Variants in ENOX1 observed in about 807,000 individuals in gnomAD.
ENOX1 encodes the protein candidate growth-related and time keeping constitutive hydroquinone (NADH) oxidase.
ENOX1 carries 42 observed loss-of-function variants against 82.5 expected under a neutral mutation model. The observed-to-expected ratio is 0.51, with a 90% CI of 0.40 to 0.66. The LOEUF is 0.66. Ranked by LOEUF, ENOX1 falls within the 30% of genes least tolerant of loss-of-function variation. The pLI, the probability that ENOX1 is intolerant of heterozygous loss-of-function variation, is 0.00. For synonymous variants in ENOX1, 271 were observed against 282.2 expected (o/e 0.96, Z 0.40); for missense variants, 608 against 811.6 (o/e 0.75, Z 3.05).
chr13:43,760,484 G>A (rs549401026), intron 1 of ENOX1, among the ~76,000 whole-genome samples: 3 of 152,050 alleles, frequency 2.0e-5, no homozygotes, highest in Admixed American at 6.6e-5. Flanking sequence ...GCCCTCCCCC[G>A]AATGCCTGGA....
chr13:43,424,243 T>C (rs1374881323), intron 3 of ENOX1, among the ~76,000 whole-genome samples: 1 of 152,236 alleles, frequency 6.6e-6, no homozygotes, highest in Non-Finnish European at 1.5e-5. Context: ...AGACAATATA[T>C]AATTCTATAA....
chr13:43,727,896 T>C (rs1422133976), intron 1 of ENOX1, among the ~76,000 whole-genome samples: 1 of 152,208 alleles, frequency 6.6e-6, no homozygotes, highest in African/African-American at 2.4e-5. Context: ...AAAACAACCA[T>C]ATTAACACAT....
intron 2 of ENOX1, among the ~76,000 whole-genome samples, chr13:43,548,566 G>A (rs541132814): frequency 1.3e-5 from 2 of 152,308 alleles, no homozygotes; most frequent in Admixed American, 6.5e-5. Flanking sequence ...AGCAACCTCA[G>A]TTTTATAAAA....
chr13:43,430,146 C>T (rs998035540), intron 3 of ENOX1, among the ~76,000 whole-genome samples: 29 of 152,320 alleles, frequency 1.9e-4, no homozygotes, highest in African/African-American at 6.7e-4. Flanking sequence ...ACAAAATATG[C>T]ATTTTGTATG....
intron 1 of ENOX1, among the ~76,000 whole-genome samples, chr13:43,776,691 G>A (rs1951938626): frequency 6.6e-6 from 1 of 152,148 alleles, no homozygotes; most frequent in African/African-American, 2.4e-5. Context: ...CTGGACTATA[G>A]CAGGAAGTAG....
rs111884036 is a variant in ENOX1 at position 43,572,555 on chromosome 13, C to T, written c.-218-88403G>A. 5.7e-3 allele frequency among the ~76,000 whole-genome samples: 869 copies of T among 152,318 alleles called. 9 individuals carry two copies. Among genetic ancestry groups the T allele is most frequent in the African/African-American group, 0.02 (831 of 41,580 alleles). On this transcript the variant is annotated intron_variant, in intron 2 of 16. Coordinates refer to ENST00000690772, the MANE Select transcript of ENOX1 (RefSeq NM_001347969.2). ...GGATTTCAGCTGATTCATCAGTGAA[C>T]ATTTCTCAGACCAAAGTGGAAAAAG...
chr13:43,523,851 C>T (rs184461610), intron 2 of ENOX1, among the ~76,000 whole-genome samples: 2 of 152,194 alleles, frequency 1.3e-5, no homozygotes, highest in African/African-American at 2.4e-5. Flanking sequence ...ATGTAGCCAC[C>T]CAATCACCAG....
In ENOX1 at chr13:43,367,677, T is replaced by C. The variant is rs547896307; in HGVS notation, c.209-6225A>G. 1.4e-4 allele frequency among the ~76,000 whole-genome samples: 20 copies of C among 148,090 alleles called. No homozygotes were observed. In the South Asian group the frequency reaches 3.8e-3, roughly 28 times the overall value. Reference sequence around the variant, plus strand: ...AGACAATATGTTTCTGTTATTTTAATTCACCCAGTGTGTGGTACTTTGATA... The same window carrying C: ...AGACAATATGTTTCTGTTATTTTAACTCACCCAGTGTGTGGTACTTTGATA... On this transcript the variant is annotated intron_variant, in intron 5 of 16. Coordinates refer to ENST00000690772, the MANE Select transcript of ENOX1 (RefSeq NM_001347969.2).
chr13:43,416,870 T>C (rs2054622428), intron 3 of ENOX1, among the ~76,000 whole-genome samples: 1 of 151,324 alleles, frequency 6.6e-6, no homozygotes, highest in African/African-American at 2.4e-5. Flanking sequence ...CGCTGGGAGG[T>C]GGAGGTTGTA....
At chr13:43,784,187 T>C (rs1952439340) in intron 1 of ENOX1, among the ~76,000 whole-genome samples, 1 of 152,218 alleles carries the variant, frequency 6.6e-6, no homozygotes, top group Non-Finnish European at 1.5e-5. Flanking sequence ...TGTATAAATA[T>C]ACAACTGTGT....
chr13:43,501,322 C>A (rs1410335037), intron 2 of ENOX1, among the ~76,000 whole-genome samples: 2 of 151,756 alleles, frequency 1.3e-5, no homozygotes, highest in African/African-American at 4.8e-5. Context: ...CAGTAGTAGA[C>A]TTCAATAACT....
chr13:43,415,354 G>C (rs1425288557), intron 3 of ENOX1, among the ~76,000 whole-genome samples: 2 of 145,264 alleles, frequency 1.4e-5, no homozygotes. Context: ...ATAAACACAT[G>C]AACAAAGGTC....
At chr13:43,395,200 A>G (rs1180919058) in intron 5 of ENOX1, among the ~76,000 whole-genome samples, 2 of 152,264 alleles carry the variant, frequency 1.3e-5, no homozygotes, top group Non-Finnish European at 2.9e-5. Flanking sequence ...ACTGTGGGGC[A>G]GATCACTAAC....
At chr13:43,388,898 T>C (rs1286509620) in intron 5 of ENOX1, among the ~76,000 whole-genome samples, 1 of 152,030 alleles carries the variant, frequency 6.6e-6, no homozygotes, top group African/African-American at 2.4e-5. Context: ...AATTATTAAC[T>C]AGCAGGTGAA....
chr13:43,429,987 C>T (rs939775256), intron 3 of ENOX1, among the ~76,000 whole-genome samples: 1 of 152,174 alleles, frequency 6.6e-6, no homozygotes, highest in Non-Finnish European at 1.5e-5. Flanking sequence ...TTATTTTATG[C>T]TTTCCACTAG....
intron 2 of ENOX1, among the ~76,000 whole-genome samples, chr13:43,620,461 T>C (rs771796171): frequency 1.3e-5 from 2 of 152,150 alleles, no homozygotes; most frequent in African/African-American, 2.4e-5. Flanking sequence ...TGTCGTTCAG[T>C]TTGAAGAATT....
chr13:43,651,086 G>A (rs1209660575), intron 2 of ENOX1, among the ~76,000 whole-genome samples: 2 of 152,166 alleles, frequency 1.3e-5, no homozygotes, highest in Non-Finnish European at 2.9e-5. Context: ...ATGACAGTTA[G>A]AAGGCTGCTC....
intron 1 of ENOX1, among the ~76,000 whole-genome samples, chr13:43,734,374 T>C (rs1264080005): frequency 1.3e-5 from 2 of 152,194 alleles, no homozygotes; most frequent in Non-Finnish European, 2.9e-5. Context: ...TGTTAGATGC[T>C]ATAGAACCTT....
chr13:43,283,786 A>G (rs1389486797), intron 12 of ENOX1, among the ~76,000 whole-genome samples: 1 of 151,618 alleles, frequency 6.6e-6, no homozygotes, highest in East Asian at 1.9e-4. Context: ...TGCTTACCTC[A>G]CTGTTACTAG....
Sources: allele counts gnomAD v4.1 joint callset (sites outside exome capture counted in the v4.1 genomes callset), GRCh38; gene constraint gnomAD v4.1.1; transcripts MANE v1.5; gene names NCBI Gene and HGNC (gene_info 2026-07-23, HGNC 2026-07-21).